KIRREL3: variants seen among roughly 807,000 people sequenced by gnomAD.
The protein encoded by KIRREL3 is kin of IRRE-like protein 3.
A neutral mutation model predicts 89.7 loss-of-function variants in KIRREL3; 36 were observed. The ratio of observed to expected loss-of-function variants is 0.40; its 90% CI spans 0.31 to 0.53. KIRREL3 has a LOEUF of 0.53. Among genes scored for constraint, KIRREL3 ranks in the 20% least tolerant of loss-of-function variants. KIRREL3 has a pLI of 0.49. For synonymous variants in KIRREL3, 445 were observed against 441.4 expected (o/e 1.01, Z -0.10); for missense variants, 864 against 1,056.6 (o/e 0.82, Z 2.53).
intron 13 of KIRREL3, among the ~76,000 whole-genome samples, chr11:126,433,347 C>T (rs1955204723): frequency 6.6e-6 from 1 of 152,206 alleles, no homozygotes; most frequent in African/African-American, 2.4e-5. Flanking sequence ...ACCTCAAACC[C>T]TGGCCTCTGA....
Position 126,425,012 on chromosome 11 carries a change from A to T in KIRREL3, c.1905T>A (p.Asn635Lys). 1 of 1,539,360 alleles carries T rather than the reference A, an allele frequency of 6.5e-7. No homozygotes were observed. Among genetic ancestry groups the T allele is most frequent in the Non-Finnish European group, 8.8e-7 (1 of 1,141,258 alleles). ...TGAAGGTGTTGACGCTGTAGTAGCC[A>T]TTGGTGGGGTCCTGGATGGGCGAGA... ...KEFQNLKDPT[N>K]GYYSVNTFKE... Residue 635 changes from asparagine (N) to lysine (K), a missense_variant, in exon 17 of 17, where the codon AAT becomes AAA. Asn to Lys is a moderately conservative substitution (Grantham distance 94). Coordinates refer to ENST00000525144, the MANE Select transcript of KIRREL3 (RefSeq NM_032531.4).
intron 1 of KIRREL3, among the ~76,000 whole-genome samples, chr11:126,962,303 T>C (rs1949115214): frequency 1.3e-5 from 2 of 152,096 alleles, no homozygotes; most frequent in South Asian, 2.1e-4. Context: ...GCATGATTCA[T>C]GGGAGGAGGT....
chr11:126,926,237 A>G (rs562170333), intron 1 of KIRREL3, among the ~76,000 whole-genome samples: 2 of 152,306 alleles, frequency 1.3e-5, no homozygotes, highest in South Asian at 4.1e-4. Context: ...CTCTGGATAG[A>G]CCATCTACTT....
At chr11:126,927,507 A>T (rs1045256105) in intron 1 of KIRREL3, among the ~76,000 whole-genome samples, 20 of 152,242 alleles carry the variant, frequency 1.3e-4, no homozygotes, top group African/African-American at 4.8e-4. Context: ...ACAAGAATAC[A>T]TTATTTTAAT....
chr11:126,713,435 G>A (rs999358437), intron 1 of KIRREL3, among the ~76,000 whole-genome samples: 7 of 152,312 alleles, frequency 4.6e-5, no homozygotes, highest in South Asian at 2.1e-4. Context: ...AAGTTTGGAC[G>A]TCCTCATGGA....
intron 10 of KIRREL3, among the ~76,000 whole-genome samples, chr11:126,442,303 A>C: frequency 1.1e-5 from 1 of 89,054 alleles, no homozygotes; most frequent in African/African-American, 4.1e-5. Flanking sequence ...CAACATGCAC[A>C]GACACACAAA....
Position 126,513,389 on chromosome 11 carries a change from G to T in KIRREL3, c.433+7926C>A, listed in dbSNP as rs995963005. Among the ~76,000 whole-genome samples the T allele has an allele frequency of 1.3e-5, 2 of 152,166 alleles. No individual in the cohort carries two copies. Among genetic ancestry groups the T allele is most frequent in the African/African-American group, 4.8e-5 (2 of 41,438 alleles). On this transcript the variant is annotated intron_variant, in intron 4 of 16. Coordinates refer to ENST00000525144, the MANE Select transcript of KIRREL3 (RefSeq NM_032531.4). This position sits in a 1 kb window ranked among gnomAD's most constrained non-coding sequence, Gnocchi z 5.9. ...AATCGCTCATGGTGGCACTGGCTGG[G>T]GTAGGGTGGGGCTGTGCATTCCTTG...
rs987739260 is a variant in KIRREL3, at chr11:126,587,224, T to C, written c.56-24312A>G. On this transcript the variant is annotated intron_variant, in intron 1 of 16. Coordinates refer to ENST00000525144, the MANE Select transcript of KIRREL3 (RefSeq NM_032531.4). The surrounding 1 kb of genome is among the most constrained non-coding windows in gnomAD (Gnocchi z 5.2). ...TCCAAGCTGAAACCCGAAGGACAAA[T>C]AGGGGACAGGGAGATGAAGACGGGG... Among the ~76,000 whole-genome samples, 3 of 151,592 alleles carry C rather than the reference T, an allele frequency of 2.0e-5. No individual in the cohort carries two copies. The highest frequency in any genetic ancestry group is 4.4e-5 in the Non-Finnish European group (3 of 67,924).
rs1426933912 is a variant in KIRREL3, at chr11:126,440,528, G to T, written c.1274C>A (p.Thr425Asn). ...TVNGPPIISS[T>N]QTQHALHGEK... The stretch of plus-strand genomic sequence containing the variant: ...GCCGTGGAGGGCGTGCTGGGTCTGG[G>T]TGCTGGAGATGATGGGGGGTCCTGT... Residue 425 changes from threonine to asparagine, a missense_variant, in exon 11 of 17, where the codon ACC (threonine) becomes AAC (asparagine). By Grantham distance (65) the Thr-to-Asn change is moderately conservative. Coordinates refer to ENST00000525144, the MANE Select transcript of KIRREL3 (RefSeq NM_032531.4). The T allele has an allele frequency of 1.2e-6, 2 of 1,601,324 alleles. No individual in the cohort carries two copies. Among genetic ancestry groups the T allele is most frequent in the African/African-American group, 2.7e-5 (2 of 74,802 alleles).
intron 4 of KIRREL3, among the ~76,000 whole-genome samples, chr11:126,473,807 C>T (rs10790806): frequency 0.48 from 72,408 of 151,940 alleles, 18,304 homozygotes; most frequent in African/African-American, 0.64. Flanking sequence ...ACTTCTTTTT[C>T]CTTTTTTCGA....
intron 1 of KIRREL3, among the ~76,000 whole-genome samples, chr11:126,929,959 C>A (rs371891420): frequency 2.6e-5 from 4 of 151,654 alleles, no homozygotes; most frequent in Non-Finnish European, 4.4e-5. Context: ...CCCCCCCCCC[C>A]CCACCTCACC....
At chr11:126,510,377 GTT>G (rs1270868380) in intron 4 of KIRREL3, among the ~76,000 whole-genome samples, 1 of 151,892 alleles carries the variant, frequency 6.6e-6, no homozygotes, top group African/African-American at 2.4e-5. Context: ...ACTGAACTCT[GTT>G]AGTTTTAATT....
chr11:126,937,731 C>T (rs957393116), intron 1 of KIRREL3, among the ~76,000 whole-genome samples: 9 of 151,818 alleles, frequency 5.9e-5, no homozygotes, highest in Middle Eastern at 3.4e-3. Context: ...AACCCCATCT[C>T]TACTAAAAAT....
At chr11:126,512,271 A>G (rs1468811353) in intron 4 of KIRREL3, among the ~76,000 whole-genome samples, 1 of 152,212 alleles carries the variant, frequency 6.6e-6, no homozygotes, top group Non-Finnish European at 1.5e-5. Context: ...TATCAGGGCG[A>G]CACTGATGAT....
rs1204761062 is a variant in KIRREL3 at position 126,954,920 on chromosome 11, C to T, written c.55+45535G>A. Among the ~76,000 whole-genome samples the T allele has an allele frequency of 6.6e-6, 1 of 152,190 alleles. No individual in the cohort carries two copies. Among genetic ancestry groups the T allele is most frequent in the Non-Finnish European group, 1.5e-5 (1 of 68,036 alleles). On this transcript the variant is annotated intron_variant, in intron 1 of 16. Coordinates refer to ENST00000525144, the MANE Select transcript of KIRREL3 (RefSeq NM_032531.4). The surrounding 1 kb of genome is among the most constrained non-coding windows in gnomAD (Gnocchi z 4.1). ...CACCTCAAACATACTGTGTGGGCAA[C>T]AACTCTGTCTCTTGCATTCCCTCTC...
rs1409527555 is a variant in KIRREL3 at position 126,710,669 on chromosome 11, G to A, written c.56-147757C>T. On this transcript the variant is annotated intron_variant, in intron 1 of 16. Transcript: ENST00000525144. The surrounding 1 kb of genome is among the most constrained non-coding windows in gnomAD (Gnocchi z 4.2). ...CATCCCACTTGGACTCAGAGTCCCT[G>A]GTGCCCCGAAGGAAAGCAAATCAGC... 6.6e-6 allele frequency among the ~76,000 whole-genome samples: 1 copy of A among 152,036 alleles called. No homozygotes were observed. Among genetic ancestry groups the A allele is most frequent in the African/African-American group, 2.4e-5 (1 of 41,378 alleles).
intron 1 of KIRREL3, among the ~76,000 whole-genome samples, chr11:126,928,143 C>T (rs1188250615): frequency 2.0e-5 from 3 of 152,104 alleles, no homozygotes; most frequent in Non-Finnish European, 4.4e-5. Flanking sequence ...TTAAAAAGAG[C>T]CCAGAAAAGA....
rs1047078235 is a variant in KIRREL3, at chr11:126,558,184, G to A, written c.133+4651C>T. Among the ~76,000 whole-genome samples the A allele has an allele frequency of 6.6e-6, 1 of 152,152 alleles. No homozygotes were observed. The highest frequency in any genetic ancestry group is 1.5e-5 in the Non-Finnish European group (1 of 68,030). The stretch of plus-strand genomic sequence containing the variant: ...TGGCTGAAGGGGAGGTCAAAACTTC[G>A]GTGCCTCTGCTTCTTCCCTCCTTTA... On this transcript the variant is annotated intron_variant, in intron 2 of 16. Transcript: ENST00000525144. This position sits in a 1 kb window ranked among gnomAD's most constrained non-coding sequence, Gnocchi z 4.0.
At chr11:126,469,508 G>A (rs566140849) in intron 5 of KIRREL3, among the ~76,000 whole-genome samples, 6 of 152,226 alleles carry the variant, frequency 3.9e-5, no homozygotes, top group African/African-American at 1.2e-4. Flanking sequence ...ACAGCCCCCA[G>A]AGCCTGCTCC....
Sources: gnomAD v4.1 joint callset for allele counts (sites outside exome capture counted in the v4.1 genomes callset) on GRCh38, gnomAD v4.1.1 for gene constraint, Gnocchi (gnomAD v3.1) non-coding constraint, MANE v1.5 for transcripts, NCBI Gene and HGNC (gene_info 2026-07-23, HGNC 2026-07-21) for gene names.